The following CFAP97D2 variants were observed in gnomAD, a reference collection of about 807,000 sequenced individuals.
CFAP97D2 encodes the protein CFAP97 domain containing 2, also known as uncharacterized protein CFAP97D2.
At chr13:114,213,671 C>T (rs2080980236) in intron 4 of CFAP97D2, among the ~76,000 whole-genome samples, 2 of 144,692 alleles carry the variant, frequency 1.4e-5, no homozygotes, top group Admixed American at 1.4e-4. Context: ...GTGGAAGCTC[C>T]AGGACCATGA....
chr13:114,210,478 C>T (rs1004497976), intron 3 of CFAP97D2, among the ~76,000 whole-genome samples: 2 of 152,170 alleles, frequency 1.3e-5, no homozygotes, highest in African/African-American at 4.8e-5. Flanking sequence ...CAGCTTTTAA[C>T]ATTAGCATCC....
At chr13:114,194,720 C>T (rs1040393762) in intron 1 of CFAP97D2, among the ~76,000 whole-genome samples, 11 of 88,220 alleles carry the variant, frequency 1.2e-4, no homozygotes, top group African/African-American at 9.8e-4. Flanking sequence ...TGTAAGGAAA[C>T]ACTCCCTTCC....
chr13:114,210,393 T>C (rs1226335669), intron 3 of CFAP97D2, among the ~76,000 whole-genome samples: 8 of 152,230 alleles, frequency 5.3e-5, no homozygotes. Context: ...GTGACTTTGC[T>C]GATTTTGACC....
rs1003466449 is a variant in CFAP97D2, at chr13:114,179,337, G to C, written c.7G>C (p.Gly3Arg). ...AGACGATTTTGTTGCTGAGATGCACGGAGCCCCCCGGCTGACCTTTCCCTG... is the reference window on the plus strand; with the variant it reads ...AGACGATTTTGTTGCTGAGATGCACCGAGCCCCCCGGCTGACCTTTCCCTG... The change falls in exon 1 of 5, where the codon GGA becomes CGA. Residue 3 changes from glycine to arginine, a missense_variant. Gly to Arg is a moderately radical substitution (Grantham distance 125). Transcript: ENST00000646158. The surrounding 1 kb of genome is among the most constrained non-coding windows in gnomAD (Gnocchi z 4.8). 2.5e-6 allele frequency: 1 copy of C among 398,558 alleles called. No individual in the cohort carries two copies. Among genetic ancestry groups the C allele is most frequent in the African/African-American group, 2.1e-5 (1 of 48,614 alleles). The allele number at this position is 398,558 out of a possible 1,614,324, so 24.7% of individuals were successfully genotyped here.
Position 114,211,615 on chromosome 13 carries a change from C to T in CFAP97D2, c.291-297C>T, listed in dbSNP as rs114938937. 8.7e-3 allele frequency among the ~76,000 whole-genome samples: 1,329 copies of T among 152,310 alleles called. 14 individuals are homozygous for T. Among genetic ancestry groups the T allele is most frequent in the African/African-American group, 0.03 (1,237 of 41,570 alleles). On this transcript the variant is annotated intron_variant, in intron 3 of 4. Coordinates refer to ENST00000646158, the Ensembl canonical transcript of CFAP97D2. This position sits in a 1 kb window ranked among gnomAD's most constrained non-coding sequence, Gnocchi z 4.2. ...TGTCCAGCATCTGCTCTGCTGACCA[C>T]GCTCAGGAAGCACCGGGAGACTTCC...
rs2080908085 is a variant in CFAP97D2, at chr13:114,199,848, CGGCGCGTCCCCGTGCTTACGGTCCCCGA to C, written c.172-476_172-449del. 7.3e-4 allele frequency: 28 copies of C among 38,344 alleles called. 2 individuals are homozygous for C. Among genetic ancestry groups the C allele is most frequent in the South Asian group, 2.9e-3 (2 of 684 alleles). The allele number at this position is 38,344 out of a possible 1,614,324, so 2.4% of individuals were successfully genotyped here. A position where few individuals can be genotyped will look rare whatever the true frequency, so the allele number is the denominator to read the frequency against. ...GCGTACGGTCCCCGATGAGGGGTGA[CGGCGCGTCCCCGTGCTTACGGTCCCCGA>C]TGAGGCGTGACGGCGCGTCCCCGTG... is the stretch of plus-strand genomic sequence containing the variant. On this transcript the variant is annotated intron_variant, in intron 2 of 4. Coordinates refer to ENST00000646158, the Ensembl canonical transcript of CFAP97D2.
intron 1 of CFAP97D2, among the ~76,000 whole-genome samples, chr13:114,181,851 G>A (rs147618153): frequency 1.2e-3 from 182 of 151,720 alleles, no homozygotes; most frequent in Non-Finnish European, 2.1e-3. Flanking sequence ...CAGAGCCTGA[G>A]TGGCCCCTGC....
rs35248621 is a variant in CFAP97D2 at position 114,211,563 on chromosome 13, T to TG, written c.291-346dup. Among the ~76,000 whole-genome samples, 9,911 of 152,114 alleles carry TG rather than the reference T, an allele frequency of 0.065. 552 individuals carry two copies. Among genetic ancestry groups the TG allele is most frequent in the African/African-American group, 0.13 (5,352 of 41,480 alleles). On this transcript the variant is annotated intron_variant, in intron 3 of 4. Transcript: ENST00000646158. This position sits in a 1 kb window ranked among gnomAD's most constrained non-coding sequence, Gnocchi z 4.2. ...TGCCCGGGTGCTCGCCCTCCCTGCC[T>TG]GGGACCCCACTCTCTCCCACTCATC...
rs2138752317 is a variant in CFAP97D2, at chr13:114,187,197, A to C, written c.90+7777A>C. On this transcript the variant is annotated intron_variant, in intron 1 of 4. Coordinates refer to ENST00000646158, the Ensembl canonical transcript of CFAP97D2. The surrounding 1 kb of genome is among the most constrained non-coding windows in gnomAD (Gnocchi z 4.2). ...TGAAAGAAGTATGACTGATAAACTAAGAAGGGAGAGAAAATGGAATCATAT... is the reference window on the plus strand; with the variant it reads ...TGAAAGAAGTATGACTGATAAACTACGAAGGGAGAGAAAATGGAATCATAT... Among the ~76,000 whole-genome samples the C allele has an allele frequency of 6.6e-6, 1 of 152,364 alleles. No individual in the cohort carries two copies. The highest frequency in any genetic ancestry group is 1.9e-4 in the East Asian group (1 of 5,194).
intron 4 of CFAP97D2, among the ~76,000 whole-genome samples, chr13:114,220,024 C>T (rs935011535): frequency 3.3e-5 from 5 of 151,956 alleles, no homozygotes; most frequent in East Asian, 3.9e-4. Flanking sequence ...AAGCTGGCGA[C>T]GAGGGAGCAC....
intron 4 of CFAP97D2, among the ~76,000 whole-genome samples, chr13:114,218,513 T>C (rs556332793): frequency 1.3e-5 from 2 of 152,242 alleles, no homozygotes; most frequent in East Asian, 3.9e-4. Flanking sequence ...CTTCACAGAA[T>C]TGGAAAAAAC....
intron 2 of CFAP97D2, among the ~76,000 whole-genome samples, chr13:114,197,939 C>T (rs1315841760): frequency 2.6e-5 from 4 of 151,752 alleles, no homozygotes; most frequent in African/African-American, 4.8e-5. Flanking sequence ...CCCGCCTCGG[C>T]CTCCTGAAAT....
intron 4 of CFAP97D2, among the ~76,000 whole-genome samples, chr13:114,218,934 AC>A (rs1485997412): frequency 1.3e-5 from 2 of 152,214 alleles, no homozygotes; most frequent in African/African-American, 4.8e-5. Flanking sequence ...CTAGAAGAAA[AC>A]CTAGGCAATA....
chr13:114,182,337 T>C (rs1374662895), intron 1 of CFAP97D2, among the ~76,000 whole-genome samples: 10 of 152,128 alleles, frequency 6.6e-5, no homozygotes, highest in Non-Finnish European at 5.9e-5. Context: ...CATAGGGCTG[T>C]TTTTCTCCTA....
chr13:114,197,843 C>A (rs559873700), intron 2 of CFAP97D2, among the ~76,000 whole-genome samples: 1 of 145,170 alleles, frequency 6.9e-6, no homozygotes, highest in African/African-American at 2.9e-5. Context: ...CACCATCAAG[C>A]CCTGCTAATT....
At chr13:114,192,030 G>A (rs894363348) in intron 1 of CFAP97D2, among the ~76,000 whole-genome samples, 2 of 119,256 alleles carry the variant, frequency 1.7e-5, no homozygotes, top group African/African-American at 6.4e-5. Context: ...AAAAGGCAAA[G>A]TTTACTATGG....
chr13:114,214,149 C>G (rs1246626825), intron 4 of CFAP97D2: 1 of 152,376 alleles, frequency 6.6e-6, no homozygotes, highest in Non-Finnish European at 1.5e-5. Flanking sequence ...ATTGCCTTGC[C>G]CCCTGCAGTT....
At chr13:114,216,259 G>A (rs899336617) in intron 4 of CFAP97D2, among the ~76,000 whole-genome samples, 1 of 151,958 alleles carries the variant, frequency 6.6e-6, no homozygotes, top group African/African-American at 2.4e-5. Context: ...CCCTCCTCCC[G>A]GCTTGTTTTC....
chr13:114,208,694 G>A lies in CFAP97D2; in HGVS notation c.291-3218G>A, dbSNP rs1038990002. ...AGCTAAAAACTGGTGAAAATATGACGCAATTGCTTTCCTATCCAGGTTCAT... is the reference window on the plus strand; with the variant it reads ...AGCTAAAAACTGGTGAAAATATGACACAATTGCTTTCCTATCCAGGTTCAT... On this transcript the variant is annotated intron_variant, in intron 3 of 4. Coordinates refer to ENST00000646158, the Ensembl canonical transcript of CFAP97D2. Among the ~76,000 whole-genome samples, 8 of 152,140 alleles carry A rather than the reference G, an allele frequency of 5.3e-5. 1 individual carries two copies. In the South Asian group the frequency reaches 6.2e-4, roughly 12 times the overall value.
Sources: allele counts gnomAD v4.1 joint callset (sites outside exome capture counted in the v4.1 genomes callset), GRCh38; gene constraint gnomAD v4.1.1; non-coding constraint Gnocchi (gnomAD v3.1); transcripts MANE v1.5; gene names NCBI Gene and HGNC (gene_info 2026-07-23, HGNC 2026-07-21).